The following BUD31 variants were observed in gnomAD, a reference collection of about 807,000 sequenced individuals.
BUD31 encodes BUD31 spliceosome associated protein, also known as protein BUD31 homolog.
Under a neutral mutation model 17.9 loss-of-function variants are expected in BUD31, and 9 were observed. The observed-to-expected ratio is 0.50, with a 90% CI of 0.30 to 0.88. The LOEUF (loss-of-function observed/expected upper bound fraction) is 0.88, where lower values mean the gene tolerates loss of function less well. BUD31 is among the 40% of genes least tolerant of loss of function. The pLI, the probability that BUD31 is intolerant of heterozygous loss-of-function variation, is 0.06. For missense variants in BUD31, 148 were observed against 184.5 expected, an observed-to-expected ratio of 0.80 and a Z score of 1.15; for synonymous variants, 70 against 64.7, an observed-to-expected ratio of 1.08 and a Z score of -0.39.
At chr7:99,409,954 A>G (rs1229168216) in intron 1 of BUD31, 80 bp from the exon 2 acceptor site, 1 of 152,206 alleles carries the variant, frequency 6.6e-6, no homozygotes, top group Non-Finnish European at 1.5e-5. Flanking sequence ...TTGTATGGGA[A>G]CTACCTGACT....
chr7:99,417,661 G>A (rs1162844639), intron 5 of BUD31, 66 bp downstream of exon 5: 1 of 1,592,548 alleles, frequency 6.3e-7, no homozygotes, highest in South Asian at 1.1e-5. Flanking sequence ...CGACTGCAAG[G>A]GATCTTATGT....
chr7:99,417,868 C>T (rs1795593123), intron 5 of BUD31: 1 of 1,388,062 alleles, frequency 7.2e-7, no homozygotes. Context: ...TGGTGGGGAG[C>T]CCTAATCCCA....
intron 3 of BUD31, chr7:99,415,041 C>CATCT (rs1255149268): frequency 3.5e-6 from 1 of 283,218 alleles, no homozygotes; most frequent in Non-Finnish European, 7.0e-6. Flanking sequence ...TGATTATAGT[C>CATCT]ATCTGTAGGG....
At chr7:99,414,638 C>T (rs1354694923) in intron 3 of BUD31, among the ~76,000 whole-genome samples, 2 of 152,020 alleles carry the variant, frequency 1.3e-5, no homozygotes, top group African/African-American at 4.8e-5. Flanking sequence ...GCTTTGTTGC[C>T]TAGGCTGGAG....
intron 3 of BUD31, among the ~76,000 whole-genome samples, chr7:99,413,180 C>T (rs1380859097): frequency 6.6e-6 from 1 of 151,998 alleles, no homozygotes. Context: ...AATTGTAATT[C>T]CTAGGTAATA....
At chr7:99,411,688 C>T in intron 3 of BUD31, 1 of 455,968 alleles carries the variant, frequency 2.2e-6, no homozygotes, top group Non-Finnish European at 4.4e-6. Flanking sequence ...CACAGTGTGG[C>T]CACTTACCAA....
At chr7:99,410,966 C>T (rs1436613431) in intron 2 of BUD31, 98 bp from the exon 3 acceptor site, 2 of 733,620 alleles carry the variant, frequency 2.7e-6, no homozygotes, top group African/African-American at 3.5e-5. Context: ...AGCTGTGACC[C>T]TATGCTGACT....
chr7:99,413,526 TA>T (rs1795268532), intron 3 of BUD31, among the ~76,000 whole-genome samples: 2 of 152,238 alleles, frequency 1.3e-5, no homozygotes, highest in Admixed American at 6.5e-5. Flanking sequence ...CTTGATTAAT[TA>T]TTACGCTGTA....
rs56063600 is a variant in BUD31, at chr7:99,415,692, T to C, written c.95-446T>C. Among the ~76,000 whole-genome samples the C allele has an allele frequency of 7.9e-3, 1,204 of 152,290 alleles. 14 individuals are homozygous for C. The highest frequency in any genetic ancestry group is 0.028 in the African/African-American group (1,149 of 41,576). ...TGGCAACGGGCATCTTCCCAGATGC[T>C]GGCGTTACCGCTAGACCAAGGAGCC... On this transcript the variant is annotated intron_variant, in intron 3 of 5. Transcript: ENST00000222969.
intron 5 of BUD31, chr7:99,419,123 TTC>T: frequency 1.9e-6 from 1 of 530,014 alleles, no homozygotes; most frequent in Non-Finnish European, 3.4e-6. Context: ...TCACACCGAT[TTC>T]TTTTTCTTGA....
At position 99,417,430 on chromosome 7, in the gene BUD31, A is replaced by G. The variant is rs1423047819; in HGVS notation, c.219A>G (p.Glu73=). ...LFYKRKAISR[E]LYEYCIKEGY... is the part of the protein sequence containing the mutation. ...GCTCTTTCCCCATCTTTTTGACAGA[A>G]CTCTATGAATATTGTATTAAAGAAG... Residue 73 remains glutamate (E), a splice_region_variant and synonymous_variant, in exon 5 of 6, where the codon GAA becomes GAG. Transcript: ENST00000222969. The G allele has an allele frequency of 6.2e-7, 1 of 1,613,622 alleles. No homozygotes were observed. The highest frequency in any genetic ancestry group is 2.2e-5 in the East Asian group (1 of 44,884).
intron 1 of BUD31, among the ~76,000 whole-genome samples, chr7:99,409,808 G>C (rs1452015870): frequency 6.6e-6 from 1 of 151,300 alleles, no homozygotes; most frequent in Non-Finnish European, 1.5e-5. Flanking sequence ...CAGTACAGAA[G>C]GGAGTGACTG....
At chr7:99,411,255 C>G (rs999844848) in intron 3 of BUD31, 69 bp downstream of exon 3, 1 of 1,188,422 alleles carries the variant, frequency 8.4e-7, no homozygotes, top group African/African-American at 1.5e-5. Flanking sequence ...CCCCAGGGGA[C>G]AGGCATAAAT....
At chr7:99,411,352 A>C in intron 3 of BUD31, 166 bp downstream of exon 3, 1 of 572,024 alleles carries the variant, frequency 1.7e-6, no homozygotes, top group South Asian at 2.4e-5. Context: ...GCCCGAAAAT[A>C]AGATAACATT....
chr7:99,419,132 T>C, intron 5 of BUD31: 1 of 543,210 alleles, frequency 1.8e-6, no homozygotes, highest in Admixed American at 3.2e-5. Context: ...TTTCTTTTTC[T>C]TGATTGGCAA....
intron 4 of BUD31, 84 bp downstream of exon 4, chr7:99,416,344 C>T: frequency 1.3e-6 from 2 of 1,500,268 alleles, no homozygotes; most frequent in Non-Finnish European, 1.8e-6. Context: ...TTCTCGCAAC[C>T]TGTGCAAGTC....
In BUD31 at chr7:99,416,266, T is replaced by C. The variant is rs887014974; in HGVS notation, c.217+6T>C. On this transcript the variant is annotated splice_donor_region_variant and intron_variant, in intron 4 of 5. Transcript: ENST00000222969. ...GCGGAAAGCCATCAGCAGAGGTAAT[T>C]AGTCAGTCTCTCTTGGACTTTGAAG... The C allele has an allele frequency of 1.1e-5, 18 of 1,613,054 alleles. No homozygotes were observed. The highest frequency in any genetic ancestry group is 1.4e-5 in the Non-Finnish European group (17 of 1,179,236).
At chr7:99,411,285 G>A in intron 3 of BUD31, 99 bp downstream of exon 3, 1 of 870,968 alleles carries the variant, frequency 1.1e-6, no homozygotes, top group Non-Finnish European at 1.8e-6. Flanking sequence ...AAAAGAGAGT[G>A]GTCTACTAAC....
At chr7:99,410,657 A>G (rs975526131) in intron 2 of BUD31, among the ~76,000 whole-genome samples, 3 of 152,144 alleles carry the variant, frequency 2.0e-5, no homozygotes, top group African/African-American at 4.8e-5. Flanking sequence ...GTCACCTTCT[A>G]AGGGGCAAAG....
Sources: allele counts gnomAD v4.1 joint callset (sites outside exome capture counted in the v4.1 genomes callset), GRCh38; gene constraint gnomAD v4.1.1; transcripts MANE v1.5; gene names NCBI Gene and HGNC (gene_info 2026-07-23, HGNC 2026-07-21).